The following MYRIP variants were observed in gnomAD, a reference collection of about 807,000 sequenced individuals.
The protein encoded by MYRIP is myosin VIIA and Rab interacting protein.
Under a neutral mutation model 98.0 loss-of-function variants are expected in MYRIP, and 49 were observed. The ratio of observed to expected loss-of-function variants is 0.50; its 90% CI spans 0.40 to 0.63. The LOEUF is 0.63. Ranked by LOEUF, MYRIP falls within the 30% of genes least tolerant of loss-of-function variation. The probability of loss-of-function intolerance (pLI) is 0.00; values close to 1 mark genes in which losing one functional copy is unlikely to be tolerated. For synonymous variants in MYRIP, 404 were observed against 409.5 expected (o/e 0.99, Z 0.16); for missense variants, 1,004 against 1,058.2 (o/e 0.95, Z 0.71).
chr3:39,924,515 G>A (rs2125693896), intron 2 of MYRIP, among the ~76,000 whole-genome samples: 1 of 152,096 alleles, frequency 6.6e-6, no homozygotes, highest in South Asian at 2.1e-4. Flanking sequence ...ACTGAAAATA[G>A]ACAAGCCAAC....
At chr3:40,108,291 TAA>T (rs1491585051) in intron 3 of MYRIP, among the ~76,000 whole-genome samples, 58 of 151,094 alleles carry the variant, frequency 3.8e-4, no homozygotes, top group East Asian at 3.9e-4. Context: ...ACAGAGTTTA[TAA>T]TTTAAGGCAT....
chr3:39,915,223 C>A (rs1435961296), intron 2 of MYRIP, among the ~76,000 whole-genome samples: 1 of 151,904 alleles, frequency 6.6e-6, no homozygotes, highest in Non-Finnish European at 1.5e-5. Flanking sequence ...ACTTATTATC[C>A]CCAGTCATCT....
At chr3:39,822,891 T>C (rs1296155075) in intron 1 of MYRIP, among the ~76,000 whole-genome samples, 2 of 150,848 alleles carry the variant, frequency 1.3e-5, no homozygotes. Flanking sequence ...TATGGCTGAA[T>C]AGTATTTCCT....
chr3:39,818,564 A>G (rs1224949844), intron 1 of MYRIP, among the ~76,000 whole-genome samples: 1 of 152,134 alleles, frequency 6.6e-6, no homozygotes, highest in Non-Finnish European at 1.5e-5. Flanking sequence ...TCATGTTCAT[A>G]TTTTTAACTA....
rs556495170 is a variant in MYRIP at position 40,081,376 on chromosome 3, A to G, written c.332+37105A>G. On this transcript the variant is annotated intron_variant, in intron 3 of 16. Coordinates refer to ENST00000302541, the MANE Select transcript of MYRIP (RefSeq NM_015460.4). Reference sequence around the variant, plus strand: ...AATAATTTGTCTCTTTCCTTTTGCAATTGTCTGTTTATGCTTTATGCATTT... The same window carrying G: ...AATAATTTGTCTCTTTCCTTTTGCAGTTGTCTGTTTATGCTTTATGCATTT... 3.3e-5 allele frequency among the ~76,000 whole-genome samples: 5 copies of G among 152,244 alleles called. No individual in the cohort carries two copies. The East Asian group carries it at 7.7e-4, about 23-fold the overall frequency.
intron 3 of MYRIP, among the ~76,000 whole-genome samples, chr3:40,094,039 T>A (rs1390467871): frequency 6.6e-6 from 1 of 152,032 alleles, no homozygotes; most frequent in Non-Finnish European, 1.5e-5. Context: ...GCCTGGAAAG[T>A]TTCCCCTTCC....
At chr3:40,034,920 G>T (rs1359745458) in intron 2 of MYRIP, among the ~76,000 whole-genome samples, 2 of 151,852 alleles carry the variant, frequency 1.3e-5, no homozygotes, top group Admixed American at 6.6e-5. Context: ...CATGTCCTTT[G>T]TAGGGACATG....
intron 10 of MYRIP, among the ~76,000 whole-genome samples, chr3:40,207,478 T>G (rs891431096): frequency 6.6e-6 from 1 of 152,174 alleles, no homozygotes; most frequent in Non-Finnish European, 1.5e-5. Context: ...TCACTTCCAA[T>G]AGATGTTTTT....
intron 2 of MYRIP, among the ~76,000 whole-genome samples, chr3:40,019,621 G>A (rs971767568): frequency 3.3e-4 from 50 of 152,132 alleles, no homozygotes; most frequent in South Asian, 6.2e-4. Context: ...GCACCTGGCA[G>A]AGAGCCAGGC....
intron 5 of MYRIP, among the ~76,000 whole-genome samples, chr3:40,164,118 C>T (rs920538727): frequency 6.6e-6 from 1 of 152,146 alleles, no homozygotes; most frequent in African/African-American, 2.4e-5. Flanking sequence ...CTGAGGTCCA[C>T]CAGTGAGAGA....
chr3:40,089,329 T>C (rs965496257), intron 3 of MYRIP, among the ~76,000 whole-genome samples: 4 of 152,248 alleles, frequency 2.6e-5, no homozygotes, highest in African/African-American at 9.6e-5. Context: ...GCTTGCATTG[T>C]GTTATTTTAA....
intron 11 of MYRIP, among the ~76,000 whole-genome samples, chr3:40,211,808 C>G (rs1951936995): frequency 8.5e-6 from 1 of 118,126 alleles, no homozygotes; most frequent in Non-Finnish European, 2.1e-5. Context: ...CTGCAAGGAG[C>G]AACCTCCTGG....
intron 2 of MYRIP, among the ~76,000 whole-genome samples, chr3:39,912,051 G>T (rs1312477105): frequency 1.7e-5 from 2 of 119,258 alleles, no homozygotes; most frequent in Admixed American, 8.1e-5. Flanking sequence ...CTGGAAACCA[G>T]GTTGCCTTAA....
intron 2 of MYRIP, among the ~76,000 whole-genome samples, chr3:39,987,975 T>C (rs934099904): frequency 3.3e-5 from 5 of 152,204 alleles, no homozygotes; most frequent in Admixed American, 6.5e-5. Context: ...GAATACTATG[T>C]GGCCATAAAA....
At chr3:40,072,365 C>T (rs1443366740) in intron 3 of MYRIP, among the ~76,000 whole-genome samples, 1 of 151,954 alleles carries the variant, frequency 6.6e-6, no homozygotes, top group East Asian at 1.9e-4. Flanking sequence ...CACACCACCA[C>T]ACCCAGCTAA....
intron 3 of MYRIP, among the ~76,000 whole-genome samples, chr3:40,077,744 C>A (rs1195449313): frequency 6.6e-6 from 1 of 152,260 alleles, no homozygotes; most frequent in Admixed American, 6.5e-5. Flanking sequence ...ATTCACAAAC[C>A]CTGAGCTAGA....
intron 2 of MYRIP, among the ~76,000 whole-genome samples, chr3:39,973,657 G>C (rs62264390): frequency 3.3e-5 from 5 of 151,132 alleles, no homozygotes; most frequent in Non-Finnish European, 7.4e-5. Flanking sequence ...TGGAAGTAAA[G>C]CTCTCCTCAG....
chr3:39,876,937 T>A (rs1943014655), intron 1 of MYRIP, among the ~76,000 whole-genome samples: 1 of 152,194 alleles, frequency 6.6e-6, no homozygotes, highest in South Asian at 2.1e-4. Context: ...TGCAGAGTGT[T>A]TTCCAACTTG....
At chr3:40,138,154 G>T (rs573217657) in intron 3 of MYRIP, among the ~76,000 whole-genome samples, 3 of 152,226 alleles carry the variant, frequency 2.0e-5, no homozygotes, top group Non-Finnish European at 4.4e-5. Flanking sequence ...GCTGTTGCCC[G>T]CATTGCGGCA....
Sources: gnomAD v4.1 joint callset for allele counts (sites outside exome capture counted in the v4.1 genomes callset) on GRCh38, gnomAD v4.1.1 for gene constraint, MANE v1.5 for transcripts, NCBI Gene and HGNC (gene_info 2026-07-23, HGNC 2026-07-21) for gene names.